The following EYA4 variants were observed in gnomAD, a reference collection of about 807,000 sequenced individuals.
EYA4 encodes the protein protein phosphatase EYA4.
EYA4 carries 31 observed loss-of-function variants against 87.9 expected under a neutral mutation model. That is an observed-to-expected ratio of 0.35 (90% CI 0.27 to 0.48). The LOEUF (loss-of-function observed/expected upper bound fraction) is 0.48. Ranked by LOEUF, EYA4 falls within the 20% of genes least tolerant of loss-of-function variation. The pLI, the probability that EYA4 is intolerant of heterozygous loss-of-function variation, is 0.99. For missense variants in EYA4, 678 were observed against 761.4 expected, an observed-to-expected ratio of 0.89 and a Z score of 1.29; for synonymous variants, 263 against 270.6, an observed-to-expected ratio of 0.97 and a Z score of 0.28.
chr6:133,309,145 T>A (rs1780027935), intron 2 of EYA4, among the ~76,000 whole-genome samples: 1 of 152,082 alleles, frequency 6.6e-6, no homozygotes, highest in Non-Finnish European at 1.5e-5. Context: ...AATTTTGCTA[T>A]GCTATTGTCC....
chr6:133,414,188 T>C (rs1789502414), intron 3 of EYA4, among the ~76,000 whole-genome samples: 1 of 152,128 alleles, frequency 6.6e-6, no homozygotes, highest in African/African-American at 2.4e-5. Context: ...CACCTTCTTC[T>C]CCGATCCTCC....
At chr6:133,526,640 G>A (rs751129383) in intron 19 of EYA4, among the ~76,000 whole-genome samples, 11 of 152,128 alleles carry the variant, frequency 7.2e-5, no homozygotes, top group Non-Finnish European at 1.6e-4. Context: ...ACCCAAGACA[G>A]CACACTAGCC....
chr6:133,255,604 A>T (rs1775274538), intron 1 of EYA4, among the ~76,000 whole-genome samples: 1 of 151,176 alleles, frequency 6.6e-6, no homozygotes, highest in South Asian at 2.1e-4. Flanking sequence ...CTTTTCAGGC[A>T]TTTTTTTTTC....
chr6:133,345,729 A>G (rs1377880396), intron 2 of EYA4, among the ~76,000 whole-genome samples: 3 of 152,362 alleles, frequency 2.0e-5, no homozygotes, highest in East Asian at 3.9e-4. Context: ...TTAGTCAACT[A>G]TAAGAAAACT....
In EYA4 at chr6:133,510,876, A is replaced by G. The variant is rs530695138; in HGVS notation, c.1282-1845A>G. Among the ~76,000 whole-genome samples the G allele has an allele frequency of 8.7e-4, 133 of 152,242 alleles. 2 individuals are homozygous for G. The Middle Eastern group carries it at 0.014, about 16-fold the overall frequency. On this transcript the variant is annotated intron_variant, in intron 14 of 19. Coordinates refer to ENST00000355286, the MANE Select transcript of EYA4 (RefSeq NM_004100.5). ...ATTAGCATTTGTCTAGACTTCTCCC[A>G]TTTATTTAAGAAAGAATTGTGGAGT... is the stretch of plus-strand genomic sequence containing the variant.
intron 1 of EYA4, chr6:133,247,192 G>A (rs1305320184): frequency 6.6e-6 from 1 of 152,130 alleles, no homozygotes; most frequent in African/African-American, 2.4e-5. Flanking sequence ...CAGTGAACAA[G>A]AATATGGCCT....
chr6:133,289,740 T>C (rs1016442215), intron 2 of EYA4, among the ~76,000 whole-genome samples: 3 of 152,066 alleles, frequency 2.0e-5, no homozygotes, highest in African/African-American at 4.8e-5. Flanking sequence ...TAAAAGTACT[T>C]GCCTCAAAGT....
At chr6:133,398,339 T>TA (rs1787977486) in intron 3 of EYA4, among the ~76,000 whole-genome samples, 2 of 152,322 alleles carry the variant, frequency 1.3e-5, no homozygotes, top group South Asian at 4.1e-4. Flanking sequence ...TAAATATTCT[T>TA]ACTCCTTTTC....
intron 3 of EYA4, among the ~76,000 whole-genome samples, chr6:133,390,800 T>G (rs1787196622): frequency 6.6e-6 from 1 of 152,296 alleles, no homozygotes; most frequent in Middle Eastern, 3.4e-3. Flanking sequence ...ACAGATGAAA[T>G]CATTTCATTA....
chr6:133,432,307 G>T (rs75873667), intron 3 of EYA4, among the ~76,000 whole-genome samples: 1 of 152,122 alleles, frequency 6.6e-6, no homozygotes, highest in Admixed American at 6.5e-5. Flanking sequence ...AAGGAGATTG[G>T]CCATAACTTC....
At chr6:133,447,822 A>G (rs543100535) in intron 4 of EYA4, among the ~76,000 whole-genome samples, 1 of 152,228 alleles carries the variant, frequency 6.6e-6, no homozygotes, top group African/African-American at 2.4e-5. Flanking sequence ...AATGTATAGA[A>G]TATTTAGTGA....
chr6:133,248,853 A>G (rs1310942416), intron 1 of EYA4: 1 of 146,498 alleles, frequency 6.8e-6, no homozygotes, highest in Admixed American at 7.0e-5. Context: ...AAGAACGGCA[A>G]TTCTACTGTT....
intron 2 of EYA4, among the ~76,000 whole-genome samples, chr6:133,355,005 T>G (rs184312631): frequency 6.6e-6 from 1 of 152,358 alleles, no homozygotes; most frequent in Admixed American, 6.5e-5. Context: ...AGTAGAATAA[T>G]AAATCTACCT....
intron 19 of EYA4, among the ~76,000 whole-genome samples, chr6:133,525,744 G>A (rs893368603): frequency 9.2e-5 from 14 of 152,204 alleles, no homozygotes; most frequent in South Asian, 2.1e-4. Context: ...CATGCCATAT[G>A]GTCCTCGTGA....
chr6:133,344,922 C>G (rs2128413812), intron 2 of EYA4, among the ~76,000 whole-genome samples: 1 of 152,176 alleles, frequency 6.6e-6, no homozygotes, highest in African/African-American at 2.4e-5. Context: ...AGCTTATCTT[C>G]TAGAAATGCC....
chr6:133,276,201 G>A (rs1035795976), intron 2 of EYA4, among the ~76,000 whole-genome samples: 4 of 152,148 alleles, frequency 2.6e-5, no homozygotes, highest in Non-Finnish European at 4.4e-5. Context: ...CTGATACACC[G>A]AGGGTCACAT....
intron 2 of EYA4, among the ~76,000 whole-genome samples, chr6:133,316,695 A>G (rs1780650758): frequency 6.6e-6 from 1 of 152,176 alleles, no homozygotes; most frequent in South Asian, 2.1e-4. Flanking sequence ...ATGCCACACC[A>G]ACAGATGCAT....
chr6:133,407,786 A>G (rs1788851362), intron 3 of EYA4, among the ~76,000 whole-genome samples: 1 of 152,214 alleles, frequency 6.6e-6, no homozygotes, highest in Non-Finnish European at 1.5e-5. Context: ...AAGCTTCCTT[A>G]TAAAGGTATT....
In EYA4 at chr6:133,462,741, C is replaced by T. The variant is rs1562450119; in HGVS notation, c.701C>T (p.Thr234Ile). 1.2e-6 allele frequency: 2 copies of T among 1,613,876 alleles called. No homozygotes were observed. The highest frequency in any genetic ancestry group is 1.7e-6 in the Non-Finnish European group (2 of 1,179,852). The change falls in exon 9 of 20, where the codon ACA becomes ATA. Residue 234 changes from threonine (T) to isoleucine (I), a missense_variant. Coordinates refer to ENST00000355286, the MANE Select transcript of EYA4 (RefSeq NM_004100.5). ...TTCTCTACCCCACAGCCAGGCCAGA[C>T]ACCTTATTCTTACCAAATGCCAGGT... ...PGFSTPQPGQ[T>I]PYSYQMPGSS...
Sources: gnomAD v4.1 joint callset for allele counts (sites outside exome capture counted in the v4.1 genomes callset) on GRCh38, gnomAD v4.1.1 for gene constraint, MANE v1.5 for transcripts, NCBI Gene and HGNC (gene_info 2026-07-23, HGNC 2026-07-21) for gene names.